Variants in CRYBA4 observed in about 807,000 individuals in gnomAD.
CRYBA4 encodes the protein beta-crystallin A4.
Under a neutral mutation model 31.7 loss-of-function variants are expected in CRYBA4, and 30 were observed. The observed-to-expected ratio is 0.95, with a 90% confidence interval of 0.71 to 1.28. CRYBA4 has a LOEUF of 1.28. CRYBA4 is among the 50% of genes most tolerant of loss of function. The probability of loss-of-function intolerance (pLI) is 0.00; values close to 1 mark genes in which losing one functional copy is unlikely to be tolerated. For synonymous variants in CRYBA4, 102 were observed against 102.3 expected (o/e 1.00, Z 0.02); for missense variants, 225 against 260.7 (o/e 0.86, Z 0.94).
chr22:26,623,603 A>C (rs970753916), intron 3 of CRYBA4, among the ~76,000 whole-genome samples: 1 of 152,140 alleles, frequency 6.6e-6, no homozygotes, highest in African/African-American at 2.4e-5. Flanking sequence ...GATCCTTAGA[A>C]TCCAGTGTTG....
the CRYBA4 span, among the ~76,000 whole-genome samples, chr22:26,597,832 A>G: frequency 6.6e-6 from 1 of 152,166 alleles, no homozygotes; most frequent in Non-Finnish European, 1.5e-5. Flanking sequence ...GGAGGAAAAA[A>G]GTCTCAGTTT....
At chr22:26,627,390 TTC>T (rs1186740835) in intron 4 of CRYBA4, among the ~76,000 whole-genome samples, 2,138 of 87,850 alleles carry the variant, frequency 0.024, 253 homozygotes, top group African/African-American at 0.13. Context: ...CTTTCTTTCT[TTC>T]TTTCTTTCTT....
At chr22:26,609,544 G>C in the CRYBA4 span, among the ~76,000 whole-genome samples, 1 of 152,104 alleles carries the variant, frequency 6.6e-6, no homozygotes, top group African/African-American at 2.4e-5. Context: ...ATGGATGGGT[G>C]GGTAGATGGA....
At chr22:26,598,583 G>A in the CRYBA4 span, among the ~76,000 whole-genome samples, 1 of 150,416 alleles carries the variant, frequency 6.6e-6, no homozygotes, top group Non-Finnish European at 1.5e-5. Context: ...GGGGTTTCGC[G>A]ATGTTGGCCA....
the CRYBA4 span, among the ~76,000 whole-genome samples, chr22:26,602,260 C>T: frequency 6.6e-5 from 10 of 152,100 alleles, no homozygotes; most frequent in East Asian, 1.9e-4. Context: ...GCACTGAGCA[C>T]GATGCCTGGC....
chr22:26,613,616 A>G, the CRYBA4 span, among the ~76,000 whole-genome samples: 1 of 152,174 alleles, frequency 6.6e-6, no homozygotes. Flanking sequence ...GCCTGTCTTT[A>G]CTTTAATCTC....
chr22:26,616,141 C>G, the CRYBA4 span: 442 of 1,613,882 alleles, frequency 2.7e-4, no homozygotes, highest in Admixed American at 6.7e-4. Context: ...GGTCCTTACC[C>G]TGTAGTTCCC....
the CRYBA4 span, among the ~76,000 whole-genome samples, chr22:26,608,270 T>G: frequency 6.6e-6 from 1 of 152,110 alleles, no homozygotes; most frequent in South Asian, 2.1e-4. Flanking sequence ...TTCCTTGGAG[T>G]TGGTGAAGGA....
chr22:26,617,574 TTC>T (rs144409587), upstream of CRYBA4, among the ~76,000 whole-genome samples: 1 of 151,296 alleles, frequency 6.6e-6, no homozygotes, highest in Non-Finnish European at 1.5e-5. Context: ...GATATTCTCA[TTC>T]TCTCTCTCTC....
chr22:26,621,790 T>A (rs1929540742), upstream of CRYBA4, among the ~76,000 whole-genome samples: 1 of 152,150 alleles, frequency 6.6e-6, no homozygotes, highest in South Asian at 2.1e-4. Flanking sequence ...GGGGTGGTGA[T>A]CTGGTCCTTT....
chr22:26,615,805 C>T, the CRYBA4 span, among the ~76,000 whole-genome samples: 4 of 152,286 alleles, frequency 2.6e-5, no homozygotes, highest in African/African-American at 7.2e-5. Context: ...TGAGCCACTG[C>T]GCCCGGCCCC....
At position 26,627,403 on chromosome 22, in the gene CRYBA4, T is replaced by C. The variant is rs1395869984; in HGVS notation, c.301-885T>C. On this transcript the variant is annotated intron_variant, in intron 4 of 5. Coordinates refer to ENST00000354760, the MANE Select transcript of CRYBA4 (RefSeq NM_001886.3). Reference sequence around the variant, plus strand: ...TTCTTTCTTTCTTTCTTTCTTTCTTTCTTTCTTTCTTTCTTTCTTTCTTTT... The same window carrying C: ...TTCTTTCTTTCTTTCTTTCTTTCTTCCTTTCTTTCTTTCTTTCTTTCTTTT... Among the ~76,000 whole-genome samples, 572 of 96,546 alleles carry C rather than the reference T, an allele frequency of 5.9e-3. 57 individuals are homozygous for C. Among genetic ancestry groups the C allele is most frequent in the African/African-American group, 0.033 (516 of 15,580 alleles). 63.3% of individuals were successfully genotyped at this position (96,546 alleles called of 152,430 possible).
chr22:26,622,361 T>C (rs965259312), intron 1 of CRYBA4, among the ~76,000 whole-genome samples: 18 of 151,804 alleles, frequency 1.2e-4, no homozygotes, highest in African/African-American at 4.4e-4. Flanking sequence ...TCAGAGTCAA[T>C]GAGACCCAGC....
the CRYBA4 span, chr22:26,599,494 T>C: frequency 1.2e-6 from 2 of 1,612,194 alleles, no homozygotes; most frequent in Non-Finnish European, 1.7e-6. Flanking sequence ...GTGGACTCAC[T>C]TGGGGGGCTC....
chr22:26,600,401 C>CA, the CRYBA4 span, among the ~76,000 whole-genome samples: 183 of 139,450 alleles, frequency 1.3e-3, no homozygotes, highest in Admixed American at 1.9e-3. Context: ...GACTCCATCT[C>CA]AAAAAAAAAA....
the CRYBA4 span, among the ~76,000 whole-genome samples, chr22:26,615,903 G>A: frequency 2.0e-5 from 3 of 152,146 alleles, no homozygotes; most frequent in African/African-American, 7.2e-5. Context: ...GGAGGAGGGA[G>A]GAGGAGGCCA....
the CRYBA4 span, among the ~76,000 whole-genome samples, chr22:26,598,727 T>C: frequency 6.6e-6 from 1 of 152,182 alleles, no homozygotes; most frequent in African/African-American, 2.4e-5. Context: ...TTTCCACTTC[T>C]TGGAGCATTA....
chr22:26,626,112 G>T (rs1245147217), intron 4 of CRYBA4, among the ~76,000 whole-genome samples: 1 of 152,192 alleles, frequency 6.6e-6, no homozygotes, highest in Admixed American at 6.5e-5. Flanking sequence ...TCAGAAAGGT[G>T]TATTTTAGGC....
the CRYBA4 span, among the ~76,000 whole-genome samples, chr22:26,612,651 C>A: frequency 4.6e-5 from 7 of 152,240 alleles, no homozygotes; most frequent in East Asian, 9.6e-4. Flanking sequence ...TTGCACCTGG[C>A]CTCATGCCCT....
Sources: allele counts gnomAD v4.1 joint callset (sites outside exome capture counted in the v4.1 genomes callset), GRCh38; gene constraint gnomAD v4.1.1; transcripts MANE v1.5; gene names NCBI Gene and HGNC (gene_info 2026-07-23, HGNC 2026-07-21).